Variants in COQ8A observed in about 807,000 individuals in gnomAD.
COQ8A encodes atypical kinase COQ8A, mitochondrial.
A neutral mutation model predicts 65.0 loss-of-function variants in COQ8A; 51 were observed. The ratio of observed to expected loss-of-function variants is 0.78; its 90% CI spans 0.63 to 0.99. The LOEUF is 0.99. COQ8A is among the 50% of genes least tolerant of loss of function. The pLI, the probability that COQ8A is intolerant of heterozygous loss-of-function variation, is 0.00. For synonymous variants in COQ8A, 371 were observed against 353.2 expected (o/e 1.05, Z -0.57); for missense variants, 940 against 875.0 (o/e 1.07, Z -0.94).
rs1341784594 is a variant in COQ8A at position 226,974,617 on chromosome 1, T to G, written c.656-2832T>G. The stretch of plus-strand genomic sequence containing the variant: ...GGGTTCCTGAGCAATGCGCTGAGTC[T>G]GGGGCGGGAGGGCCTCAGTTTATTC... On this transcript the variant is annotated intron_variant, in intron 4 of 14. Coordinates refer to ENST00000366777, the MANE Select transcript of COQ8A (RefSeq NM_020247.5). Among the ~76,000 whole-genome samples the G allele has an allele frequency of 2.6e-5, 4 of 152,240 alleles. No individual in the cohort carries two copies. The East Asian group carries it at 7.8e-4, about 30-fold the overall frequency.
At position 226,983,001 on chromosome 1, in the gene COQ8A, GA is replaced by G; in HGVS notation, c.1049del (p.Lys350ArgfsTer8). 2 of 1,597,696 alleles carry G rather than the reference GA, an allele frequency of 1.3e-6. No homozygotes were observed. The highest frequency in any genetic ancestry group is 1.7e-6 in the Non-Finnish European group (2 of 1,172,964). ...TTGGGCAGGTGCACTTGGCCCGAAT[GA>G]AGGGCGGCCGCGAGGTGGCCATGAA... ...SIGQVHLARM[K>X]GGREVAMKIQ... On this transcript the variant is annotated frameshift_variant, in exon 8 of 15. Coordinates refer to ENST00000366777, the MANE Select transcript of COQ8A (RefSeq NM_020247.5). LOFTEE classifies it high-confidence loss of function.
intron 1 of COQ8A, among the ~76,000 whole-genome samples, chr1:226,956,718 T>A (rs1189007775): frequency 2.7e-5 from 3 of 111,078 alleles, no homozygotes; most frequent in Admixed American, 9.0e-5. Flanking sequence ...ACACTCTCCC[T>A]GGCTGCCACT....
rs1226735354 is a variant in COQ8A, at chr1:226,957,466, T to TC, written c.-9-3911_-9-3910insC. Among the ~76,000 whole-genome samples, 12 of 152,216 alleles carry TC rather than the reference T, an allele frequency of 7.9e-5. No homozygotes were observed. In the East Asian group the frequency reaches 2.1e-3, roughly 27 times the overall value. ...CCATGCTTTGCTGGGGAGGAGCTGG[T>TC]TTATAATGCTGTGCTCTGTATTTAC... On this transcript the variant is annotated intron_variant, in intron 1 of 14. Coordinates refer to ENST00000366777, the MANE Select transcript of COQ8A (RefSeq NM_020247.5).
At chr1:226,960,616 A>ATGGTGG (rs777819893) in intron 1 of COQ8A, among the ~76,000 whole-genome samples, 1 of 40,902 alleles carries the variant, frequency 2.4e-5, no homozygotes, top group Admixed American at 2.7e-4. Context: ...GGCGGTGGTG[A>ATGGTGG]TGGTGGTGGT....
intron 9 of COQ8A, 25 bp downstream of exon 9, chr1:226,983,658 A>G (rs762537136): frequency 4.3e-6 from 7 of 1,613,486 alleles, no homozygotes; most frequent in Non-Finnish European, 5.9e-6. Context: ...GGTTGGGTCA[A>G]GGGCAGGAGT....
rs1368699384 is a variant in COQ8A, at chr1:226,947,276, G to C, written c.-10+6877G>C. Among the ~76,000 whole-genome samples, 4 of 152,276 alleles carry C rather than the reference G, an allele frequency of 2.6e-5. No homozygotes were observed. In the East Asian group the frequency reaches 5.8e-4, roughly 22 times the overall value. On this transcript the variant is annotated intron_variant, in intron 1 of 14. Transcript: ENST00000366777. The stretch of plus-strand genomic sequence containing the variant: ...AAGGACTGGAGCCTGAGTCAGACAG[G>C]TGTGGAAGGGTCCAGCATCCCACAG...
chr1:226,985,900 C>T (rs1660078835), intron 14 of COQ8A, among the ~76,000 whole-genome samples: 1 of 152,180 alleles, frequency 6.6e-6, no homozygotes, highest in Non-Finnish European at 1.5e-5. Context: ...TGTAAGCGCT[C>T]AGCGGGCAGC....
At chr1:226,976,444 C>CTGCGATGT (rs1178344742) in intron 4 of COQ8A, among the ~76,000 whole-genome samples, 1 of 151,980 alleles carries the variant, frequency 6.6e-6, no homozygotes, top group Admixed American at 6.5e-5. Context: ...GGCTGCGGGG[C>CTGCGATGT]TGCGATGTTG....
At position 226,987,075 on chromosome 1, in the gene COQ8A, C is replaced by G; in HGVS notation, c.*338C>G. ...GAGAGAGTCCTTACTCCCTTCCAAT[C>G]TCTGTTCAGTGCAAAACCCAGAAAC... On this transcript the variant is annotated 3_prime_UTR_variant, in exon 15 of 15. Transcript: ENST00000366777. The G allele has an allele frequency of 2.6e-6, 1 of 384,208 alleles. No homozygotes were observed. Among genetic ancestry groups the G allele is most frequent in the East Asian group, 5.9e-5 (1 of 16,942 alleles). 23.8% of individuals were successfully genotyped at this position (384,208 alleles called of 1,614,324 possible). A position where few individuals can be genotyped will look rare whatever the true frequency, so the allele number is the denominator to read the frequency against.
At chr1:226,940,599 T>G (rs2147987770) in intron 1 of COQ8A, 200 bp downstream of exon 1, 1 of 152,340 alleles carries the variant, frequency 6.6e-6, no homozygotes, top group South Asian at 2.1e-4. Flanking sequence ...TCTGCAGCCG[T>G]CTCACGTCCC....
In COQ8A at chr1:226,965,755, C is replaced by CAACTTCGGAGGTAA; in HGVS notation, c.655+18_655+19insAACTTCGGAGGTAA. Reference sequence around the variant, plus strand: ...CTTCGGAGGTAAGGTGGCTGTGTGCCCCTGGACTGCCTCACCTGCCCTGCC... The same window carrying CAACTTCGGAGGTAA: ...CTTCGGAGGTAAGGTGGCTGTGTGCCAACTTCGGAGGTAACCTGGACTGCCTCACCTGCCCTGCC... On this transcript the variant is annotated intron_variant, in intron 4 of 14. Transcript: ENST00000366777. The CAACTTCGGAGGTAA allele has an allele frequency of 6.2e-7, 1 of 1,612,244 alleles. No homozygotes were observed. Among genetic ancestry groups the CAACTTCGGAGGTAA allele is most frequent in the Non-Finnish European group, 8.5e-7 (1 of 1,179,312 alleles).
chr1:226,944,883 C>T (rs576123960), intron 1 of COQ8A, among the ~76,000 whole-genome samples: 4 of 152,120 alleles, frequency 2.6e-5, no homozygotes, highest in East Asian at 1.9e-4. Context: ...ACCTCTGCAC[C>T]GTCCACTGGA....
Position 226,977,526 on chromosome 1 carries a change from G to A in COQ8A, c.730+3G>A, listed in dbSNP as rs1273012996. ...CCTGCGCTCCGAGGACCCCTCAGGTGAGCCGGGCCCTTCAGTGGGAGGGGC... is the reference window on the plus strand; with the variant it reads ...CCTGCGCTCCGAGGACCCCTCAGGTAAGCCGGGCCCTTCAGTGGGAGGGGC... On this transcript the variant is annotated splice_donor_region_variant and intron_variant, in intron 5 of 14. Coordinates refer to ENST00000366777, the MANE Select transcript of COQ8A (RefSeq NM_020247.5). 4 of 1,556,482 alleles carry A rather than the reference G, an allele frequency of 2.6e-6. 1 individual carries two copies. The South Asian group carries it at 4.7e-5, about 18-fold the overall frequency.
At chr1:226,980,919 C>A (rs1659645953) in intron 5 of COQ8A, among the ~76,000 whole-genome samples, 1 of 152,272 alleles carries the variant, frequency 6.6e-6, no homozygotes, top group Admixed American at 6.5e-5. Context: ...GTGGCACGGT[C>A]ACCTCTCTCT....
At chr1:226,954,527 C>T (rs1332635814) in intron 1 of COQ8A, among the ~76,000 whole-genome samples, 1 of 152,230 alleles carries the variant, frequency 6.6e-6, no homozygotes, top group African/African-American at 2.4e-5. Flanking sequence ...GGGTGTGGCC[C>T]AGCACTCTGG....
chr1:226,986,768 G>A lies in COQ8A; in HGVS notation c.*31G>A, dbSNP rs574142588. 1.5e-5 allele frequency: 24 copies of A among 1,603,646 alleles called. No individual in the cohort carries two copies. The Admixed American group carries it at 2.7e-4, about 18-fold the overall frequency. ...CGGGCCACGCCCAGGCCGGCTCCGC[G>A]GGAACTCTCTCCCTCAGACAGGCCA... On this transcript the variant is annotated 3_prime_UTR_variant, in exon 15 of 15. Coordinates refer to ENST00000366777, the MANE Select transcript of COQ8A (RefSeq NM_020247.5).
At chr1:226,960,455 GGCAGTACTTGGTGGTGGTGGCA>G (rs1558187521) in intron 1 of COQ8A, among the ~76,000 whole-genome samples, 2 of 150,276 alleles carry the variant, frequency 1.3e-5, no homozygotes, top group Non-Finnish European at 3.0e-5. Flanking sequence ...TGGTGGTGGT[GGCAGTACTTGGTGGTGGTGGCA>G]GTGGTACTTG....
chr1:226,981,694 G>T (rs75045502), intron 5 of COQ8A, among the ~76,000 whole-genome samples: 1 of 152,140 alleles, frequency 6.6e-6, no homozygotes, highest in South Asian at 2.1e-4. Context: ...CCACTCCCAC[G>T]CCCCTTCCAG....
chr1:226,956,402 T>A (rs1657762416), intron 1 of COQ8A, among the ~76,000 whole-genome samples: 1 of 135,898 alleles, frequency 7.4e-6, no homozygotes, highest in African/African-American at 3.1e-5. Context: ...GTTCCCATTC[T>A]CCCTGGTTCC....
Sources: gnomAD v4.1 joint callset for allele counts (sites outside exome capture counted in the v4.1 genomes callset) on GRCh38, gnomAD v4.1.1 for gene constraint, MANE v1.5 for transcripts, NCBI Gene and HGNC (gene_info 2026-07-23, HGNC 2026-07-21) for gene names.